Variants in LHFPL3 observed in about 807,000 individuals in gnomAD.
LHFPL3 encodes LHFPL tetraspan subfamily member 3 protein.
Under a neutral mutation model 19.3 loss-of-function variants are expected in LHFPL3, and 5 were observed. The observed-to-expected ratio is 0.26, with a 90% CI of 0.14 to 0.54. The LOEUF is 0.54. Among genes scored for constraint, LHFPL3 ranks in the 20% least tolerant of loss-of-function variants. The pLI is 0.94. For synonymous variants in LHFPL3, 133 were observed against 126.2 expected (o/e 1.05, Z -0.36); for missense variants, 249 against 307.4 (o/e 0.81, Z 1.42).
chr7:104,896,118 T>C (rs550671504), intron 2 of LHFPL3: 19 of 152,382 alleles, frequency 1.2e-4, no homozygotes, highest in African/African-American at 4.6e-4. Context: ...GATCTCATTT[T>C]ATCTTAATTG....
chr7:104,848,908 T>TG (rs1554351013), intron 2 of LHFPL3, among the ~76,000 whole-genome samples: 31 of 151,128 alleles, frequency 2.1e-4, no homozygotes, highest in Admixed American at 5.9e-4. Flanking sequence ...TGGTTTTTTT[T>TG]TTGTTGTTGT....
At chr7:104,505,163 A>G (rs775201410) in intron 1 of LHFPL3, among the ~76,000 whole-genome samples, 4 of 152,234 alleles carry the variant, frequency 2.6e-5, no homozygotes, top group Non-Finnish European at 5.9e-5. Flanking sequence ...GTATTCTGCT[A>G]GATAAGCTTT....
intron 1 of LHFPL3, among the ~76,000 whole-genome samples, chr7:104,588,417 A>T (rs1790630612): frequency 6.6e-6 from 1 of 152,212 alleles, no homozygotes; most frequent in Admixed American, 6.5e-5. Flanking sequence ...GTCAAAGATC[A>T]GATGGTTGTA....
chr7:104,684,962 G>A (rs1792778049), intron 1 of LHFPL3, among the ~76,000 whole-genome samples: 1 of 152,138 alleles, frequency 6.6e-6, no homozygotes, highest in South Asian at 2.1e-4. Context: ...TTCTTTCATG[G>A]CAGTAAAAAC....
intron 2 of LHFPL3, among the ~76,000 whole-genome samples, chr7:104,783,808 A>G (rs1789859147): frequency 6.6e-6 from 1 of 152,188 alleles, no homozygotes; most frequent in African/African-American, 2.4e-5. Flanking sequence ...GTATTTTAGT[A>G]TGCTATGTTT....
intron 2 of LHFPL3, chr7:104,785,819 C>T (rs1789900879): frequency 6.6e-6 from 1 of 152,220 alleles, no homozygotes; most frequent in Admixed American, 6.5e-5. Context: ...AGCTTTACTG[C>T]TCAAACCTTG....
At chr7:104,868,529 G>A (rs1295784001) in intron 2 of LHFPL3, among the ~76,000 whole-genome samples, 1 of 152,088 alleles carries the variant, frequency 6.6e-6, no homozygotes, top group Non-Finnish European at 1.5e-5. Context: ...GGACGTGAAG[G>A]ACCTCTTCAA....
chr7:104,529,498 G>C (rs1794253660), intron 1 of LHFPL3, among the ~76,000 whole-genome samples: 1 of 152,072 alleles, frequency 6.6e-6, no homozygotes, highest in African/African-American at 2.4e-5. Flanking sequence ...TTAAGACATA[G>C]CTCCTGCCTG....
At chr7:104,853,622 TAG>T (rs1236967505) in intron 2 of LHFPL3, among the ~76,000 whole-genome samples, 1 of 152,226 alleles carries the variant, frequency 6.6e-6, no homozygotes, top group Non-Finnish European at 1.5e-5. Flanking sequence ...TTTATTTACT[TAG>T]AATGACATTT....
chr7:104,431,101 G>GT (rs1244014425), intron 1 of LHFPL3, among the ~76,000 whole-genome samples: 1 of 152,028 alleles, frequency 6.6e-6, no homozygotes, highest in Non-Finnish European at 1.5e-5. Context: ...CCTACTTATT[G>GT]TTTTTTCTCT....
intron 1 of LHFPL3, among the ~76,000 whole-genome samples, chr7:104,574,945 C>T (rs1790297298): frequency 6.6e-6 from 1 of 152,066 alleles, no homozygotes; most frequent in Non-Finnish European, 1.5e-5. Context: ...AAAAAGGGTA[C>T]CCTGTACATT....
At chr7:104,739,813 C>T (rs1031726507) in intron 2 of LHFPL3, among the ~76,000 whole-genome samples, 3 of 152,112 alleles carry the variant, frequency 2.0e-5, no homozygotes, top group Admixed American at 6.6e-5. Context: ...AGACTTGGCT[C>T]AACAGAGCAA....
intron 2 of LHFPL3, among the ~76,000 whole-genome samples, chr7:104,897,028 A>G (rs996338958): frequency 3.9e-5 from 6 of 151,926 alleles, no homozygotes; most frequent in African/African-American, 7.3e-5. Flanking sequence ...AGAGATTGCA[A>G]TGAGCCAAGA....
intron 1 of LHFPL3, among the ~76,000 whole-genome samples, chr7:104,648,829 A>G (rs1791976427): frequency 6.6e-6 from 1 of 152,226 alleles, no homozygotes; most frequent in African/African-American, 2.4e-5. Context: ...CATCTGGCCT[A>G]TGGCACAATT....
At chr7:104,818,823 TA>T (rs904810954) in intron 2 of LHFPL3, among the ~76,000 whole-genome samples, 30 of 150,408 alleles carry the variant, frequency 2.0e-4, no homozygotes, top group African/African-American at 4.9e-4. Context: ...ATGCTAAAAT[TA>T]AAAAAAAAGG....
In LHFPL3 at chr7:104,698,651, T is replaced by G. The variant is rs536961677; in HGVS notation, c.446-38024T>G. 3.9e-5 allele frequency among the ~76,000 whole-genome samples: 6 copies of G among 152,278 alleles called. 1 individual carries two copies. The South Asian group carries it at 1.2e-3, about 32-fold the overall frequency. ...CAGTTGTATTCATAATTGGCAAAAC[T>G]TGGAAGAAACCAAGGTATCTTTTAA... On this transcript the variant is annotated intron_variant, in intron 1 of 2. Transcript: ENST00000424859.
chr7:104,872,250 T>C (rs1244135694), intron 2 of LHFPL3, among the ~76,000 whole-genome samples: 2 of 151,664 alleles, frequency 1.3e-5, no homozygotes, highest in African/African-American at 4.8e-5. Flanking sequence ...GGCAGGAGAA[T>C]CGCTTGAACC....
At chr7:104,818,666 C>G (rs1460851933) in intron 2 of LHFPL3, among the ~76,000 whole-genome samples, 1 of 152,114 alleles carries the variant, frequency 6.6e-6, no homozygotes, top group African/African-American at 2.4e-5. Flanking sequence ...TTCAAAAGTA[C>G]TGAGAGAGGG....
At chr7:104,734,680 G>A (rs767578030) in intron 1 of LHFPL3, among the ~76,000 whole-genome samples, 6 of 152,088 alleles carry the variant, frequency 3.9e-5, no homozygotes, top group Non-Finnish European at 8.8e-5. Context: ...TCTTTAGCTC[G>A]GAGAAATTTG....
Sources: allele counts gnomAD v4.1 joint callset (sites outside exome capture counted in the v4.1 genomes callset), GRCh38; gene constraint gnomAD v4.1.1; transcripts MANE v1.5; gene names NCBI Gene and HGNC (gene_info 2026-07-23, HGNC 2026-07-21).